PLCXD1: variants seen among roughly 807,000 people sequenced by gnomAD.
PLCXD1 encodes phosphatidylinositol specific phospholipase C X domain containing 1.
A neutral mutation model predicts 37.8 loss-of-function variants in PLCXD1; 45 were observed. The observed-to-expected ratio is 1.19, with a 90% confidence interval of 0.94 to 1.53. The LOEUF is 1.53. Among genes scored for constraint, PLCXD1 ranks in the 40% most tolerant of loss-of-function variants. The pLI is 0.00. For missense variants in PLCXD1, 539 were observed against 454.7 expected, an observed-to-expected ratio of 1.19 and a Z score of -1.69; for synonymous variants, 246 against 206.9, an observed-to-expected ratio of 1.19 and a Z score of -1.62.
At position 301,369 on chromosome X, in the gene PLCXD1, C is replaced by G. The variant is rs2070010858; in HGVS notation, c.*2034C>G. 6.6e-6 allele frequency: 1 copy of G among 152,030 alleles called. No individual in the cohort carries two copies. Among genetic ancestry groups the G allele is most frequent in the African/African-American group, 2.4e-5 (1 of 41,350 alleles). 9.4% of individuals were successfully genotyped at this position (152,030 alleles called of 1,614,324 possible). A position where few individuals can be genotyped will look rare whatever the true frequency, so the allele number is the denominator to read the frequency against. On this transcript the variant is annotated 3_prime_UTR_variant, in exon 7 of 7. Transcript: ENST00000381657. ...ATGTTGTCCAGGGTGGTCTCAAACT[C>G]CTGGGCTCAACTGATCCTCCCACCT...
Position 299,572 on chromosome X carries a change from A to G in PLCXD1, c.*237A>G, listed in dbSNP as rs2069935322. 1.4e-5 allele frequency: 8 copies of G among 588,562 alleles called. No homozygotes were observed. In the East Asian group the frequency reaches 1.7e-4, roughly 12 times the overall value. The allele number at this position is 588,562 out of a possible 1,614,324, so 36.5% of individuals were successfully genotyped here. On this transcript the variant is annotated 3_prime_UTR_variant, in exon 7 of 7. Coordinates refer to ENST00000381657, the MANE Select transcript of PLCXD1 (RefSeq NM_018390.4). ...CAGGAGCTTGAGAGCAGCCTGACCA[A>G]CATGGTGAAATCCCATCTCTACTAA...
rs369183951 is a variant in PLCXD1 at position 299,188 on chromosome X, C to G, written c.825C>G (p.Pro275=). ...PSESLEKMTL[P]NLPRLSAWVR... ...AGTCCCTGGAGAAGATGACGCTGCC[C>G]AACCTTCCGCGGCTGAGCGCGTGGG... is the stretch of plus-strand genomic sequence containing the variant. Residue 275 remains proline (P), a synonymous_variant, in exon 7 of 7, where the codon CCC becomes CCG. Coordinates refer to ENST00000381657, the MANE Select transcript of PLCXD1 (RefSeq NM_018390.4). 4 of 1,613,908 alleles carry G rather than the reference C, an allele frequency of 2.5e-6. No individual in the cohort carries two copies. The highest frequency in any genetic ancestry group is 1.7e-4 in the Middle Eastern group (1 of 6,056).
In PLCXD1 at chrX:299,560, G is replaced by A. The variant is rs191335391; in HGVS notation, c.*225G>A. ...GGATCATGAGGTCAGGAGCTTGAGA[G>A]CAGCCTGACCAACATGGTGAAATCC... On this transcript the variant is annotated 3_prime_UTR_variant, in exon 7 of 7. Coordinates refer to ENST00000381657, the MANE Select transcript of PLCXD1 (RefSeq NM_018390.4). 4,941 of 589,768 alleles carry A rather than the reference G, an allele frequency of 8.4e-3. 46 individuals carry two copies. Among genetic ancestry groups the A allele is most frequent in the Non-Finnish European group, 0.011 (3,666 of 331,906 alleles). The allele number at this position is 589,768 out of a possible 1,614,324, so 36.5% of individuals were successfully genotyped here.
At position 301,625 on chromosome X, in the gene PLCXD1, T is replaced by G. The variant is rs28882404; in HGVS notation, c.*2290T>G. 0.1 allele frequency: 15,927 copies of G among 152,096 alleles called. 2,689 individuals are homozygous for G. The highest frequency in any genetic ancestry group is 0.36 in the African/African-American group (14,971 of 41,402). The allele number at this position is 152,096 out of a possible 1,614,324, so 9.4% of individuals were successfully genotyped here. On this transcript the variant is annotated 3_prime_UTR_variant, in exon 7 of 7. Coordinates refer to ENST00000381657, the MANE Select transcript of PLCXD1 (RefSeq NM_018390.4). ...TGCCCAGCTAATTATTTAGTAGTAG[T>G]AGGAGGAGTATTATGTTTGAGATGG... is the stretch of plus-strand genomic sequence containing the variant.
rs145483503 is a variant in PLCXD1, at chrX:302,934, A to G, written c.*3599A>G. The G allele has an allele frequency of 9.8e-3, 1,487 of 152,252 alleles. 57 individuals carry two copies. Among genetic ancestry groups the G allele is most frequent in the East Asian group, 0.016 (81 of 5,164 alleles). 9.4% of individuals were successfully genotyped at this position (152,252 alleles called of 1,614,324 possible). On this transcript the variant is annotated 3_prime_UTR_variant, in exon 7 of 7. Coordinates refer to ENST00000381657, the MANE Select transcript of PLCXD1 (RefSeq NM_018390.4). The stretch of plus-strand genomic sequence containing the variant: ...GCTGGTTCAAGTTCCCAGCCAGCCA[A>G]TGGATGCCAGCACCATTTTTACTCC...
In PLCXD1 at chrX:295,172, A is replaced by G. The variant is rs1472863353; in HGVS notation, c.733+1954A>G. ...CAACAGAGCGAGACTCCATCTTGGG[A>G]AAAAAAAAAAAAGGTAACTTTTTTG... is the stretch of plus-strand genomic sequence containing the variant. On this transcript the variant is annotated intron_variant, in intron 6 of 6. Coordinates refer to ENST00000381657, the MANE Select transcript of PLCXD1 (RefSeq NM_018390.4). Among the ~76,000 whole-genome samples the G allele has an allele frequency of 7.2e-4, 98 of 136,956 alleles. No individual in the cohort carries two copies. The East Asian group carries it at 8.4e-3, about 12-fold the overall frequency. 89.8% of individuals were successfully genotyped at this position (136,956 alleles called of 152,430 possible).
chrX:290,511 T>TA, intron 3 of PLCXD1, 137 bp from the exon 4 acceptor site: 1 of 885,598 alleles, frequency 1.1e-6, no homozygotes. Flanking sequence ...TCCCAGCACA[T>TA]ACAAACAGCT....
At chrX:282,957 T>TA in intron 1 of PLCXD1, among the ~76,000 whole-genome samples, 1 of 142,306 alleles carries the variant, frequency 7.0e-6, no homozygotes, top group East Asian at 2.0e-4. Context: ...ATATATATAT[T>TA]ATATATGTAT....
chrX:279,179 G>A (rs1286142955), upstream of PLCXD1, among the ~76,000 whole-genome samples: 1 of 152,192 alleles, frequency 6.6e-6, no homozygotes, highest in Non-Finnish European at 1.5e-5. Flanking sequence ...TCGATTGATC[G>A]GCTAAGGTAG....
intron 6 of PLCXD1, among the ~76,000 whole-genome samples, chrX:295,085 G>A (rs1414010623): frequency 6.7e-6 from 1 of 148,630 alleles, no homozygotes; most frequent in African/African-American, 2.5e-5. Flanking sequence ...CAGGAGAATT[G>A]CTTGAACCCG....
At chrX:285,252 GCA>G (rs1218318561) in intron 2 of PLCXD1, among the ~76,000 whole-genome samples, 36 of 151,944 alleles carry the variant, frequency 2.4e-4, no homozygotes, top group African/African-American at 8.5e-4. Flanking sequence ...ACATACTAAT[GCA>G]CACATGTATA....
chrX:277,923 A>G (rs2069186026), upstream of PLCXD1, among the ~76,000 whole-genome samples: 1 of 30,460 alleles, frequency 3.3e-5, no homozygotes. Context: ...CTGGGATGTG[A>G]GGGGAGGGGT....
Position 301,019 on chromosome X carries a change from A to G in PLCXD1, c.*1684A>G, listed in dbSNP as rs1457670053. The stretch of plus-strand genomic sequence containing the variant: ...TGCCCAGCCGCCGATATTTCTTTAA[A>G]TTATGTTTAGGGACAGGGTCTTTTT... On this transcript the variant is annotated 3_prime_UTR_variant, in exon 7 of 7. Transcript: ENST00000381657. 1.3e-5 allele frequency: 2 copies of G among 152,006 alleles called. No individual in the cohort carries two copies. The highest frequency in any genetic ancestry group is 4.8e-5 in the African/African-American group (2 of 41,372). 9.4% of individuals were successfully genotyped at this position (152,006 alleles called of 1,614,324 possible). A position where few individuals can be genotyped will look rare whatever the true frequency, so the allele number is the denominator to read the frequency against.
chrX:287,470 T>TAC (rs1478367544), intron 2 of PLCXD1, among the ~76,000 whole-genome samples: 3 of 127,608 alleles, frequency 2.4e-5, no homozygotes, highest in African/African-American at 3.2e-5. Context: ...ATAGAATATA[T>TAC]ACTATATATG....
chrX:286,013 CT>C (rs1157051617), intron 2 of PLCXD1, among the ~76,000 whole-genome samples: 1 of 151,918 alleles, frequency 6.6e-6, no homozygotes, highest in Non-Finnish European at 1.5e-5. Context: ...TGATCGCGTT[CT>C]TCCTTGCAAT....
intron 2 of PLCXD1, among the ~76,000 whole-genome samples, chrX:287,382 T>C (rs1602858838): frequency 6.9e-6 from 1 of 143,918 alleles, no homozygotes; most frequent in Admixed American, 7.1e-5. Flanking sequence ...TACATATTTA[T>C]GCAAAAATAT....
intron 6 of PLCXD1, among the ~76,000 whole-genome samples, chrX:293,566 C>G (rs1160619978): frequency 6.6e-6 from 1 of 152,060 alleles, no homozygotes; most frequent in Admixed American, 6.5e-5. Context: ...TCGAGACCGG[C>G]CTGACCAATG....
intron 2 of PLCXD1, among the ~76,000 whole-genome samples, chrX:288,315 C>G (rs769994438): frequency 4.9e-4 from 74 of 151,346 alleles, no homozygotes; most frequent in African/African-American, 1.7e-3. Context: ...TCTAGAGGCT[C>G]TAGAGTGGGG....
chrX:279,036 G>T (rs1321703048), upstream of PLCXD1, among the ~76,000 whole-genome samples: 1 of 152,164 alleles, frequency 6.6e-6, no homozygotes, highest in African/African-American at 2.4e-5. Flanking sequence ...GGGAGGGGTG[G>T]CTCAATAGGA....
Sources: allele counts gnomAD v4.1 joint callset (sites outside exome capture counted in the v4.1 genomes callset), GRCh38; gene constraint gnomAD v4.1.1; transcripts MANE v1.5; gene names NCBI Gene and HGNC (gene_info 2026-07-23, HGNC 2026-07-21).